Variants in NINJ2 observed in about 807,000 individuals in gnomAD.
NINJ2 encodes the protein ninjurin-2.
A neutral mutation model predicts 11.7 loss-of-function variants in NINJ2; 12 were observed. That is an observed-to-expected ratio of 1.02 (90% CI 0.66 to 1.66). The LOEUF is 1.66. Among genes scored for constraint, NINJ2 ranks in the 40% most tolerant of loss-of-function variants. NINJ2 has a pLI of 0.00. For missense variants in NINJ2, 187 were observed against 181.8 expected (o/e 1.03, Z -0.16); for synonymous variants, 93 against 76.8 (o/e 1.21, Z -1.10).
Position 649,107 on chromosome 12 carries a change from C to T in NINJ2, c.33+14221G>A, listed in dbSNP as rs1412995970. On this transcript the variant is annotated intron_variant, in intron 1 of 3. Coordinates refer to ENST00000305108, the MANE Select transcript of NINJ2 (RefSeq NM_016533.6). ...TGTCGCCCAGGCTGGACTGCAGTGG[C>T]GCGATCTCGGCTCACTGCAACCTCC... 4.0e-5 allele frequency among the ~76,000 whole-genome samples: 6 copies of T among 151,134 alleles called. No individual in the cohort carries two copies. The East Asian group carries it at 5.8e-4, about 15-fold the overall frequency.
chr12:602,770 T>C (rs1293297594), intron 1 of NINJ2, among the ~76,000 whole-genome samples: 1 of 152,224 alleles, frequency 6.6e-6, no homozygotes, highest in Non-Finnish European at 1.5e-5. Flanking sequence ...TACTTGCTAT[T>C]ACCTGCTTTT....
At chr12:620,890 A>T (rs1299917447) in intron 1 of NINJ2, among the ~76,000 whole-genome samples, 1 of 152,164 alleles carries the variant, frequency 6.6e-6, no homozygotes. Flanking sequence ...TCGGCCTCCC[A>T]GAGTGCTGGG....
chr12:620,928 C>A (rs1193843974), intron 1 of NINJ2, among the ~76,000 whole-genome samples: 1 of 152,164 alleles, frequency 6.6e-6, no homozygotes, highest in Non-Finnish European at 1.5e-5. Flanking sequence ...CTGCTCCCAG[C>A]TAAGGTTTTG....
In NINJ2 at chr12:643,818, G is replaced by A. The variant is rs747487029; in HGVS notation, c.33+19510C>T. On this transcript the variant is annotated intron_variant, in intron 1 of 3. Coordinates refer to ENST00000305108, the MANE Select transcript of NINJ2 (RefSeq NM_016533.6). ...TTGCCACTTTTGGGGGGAATCTTGA[G>A]CTACCAGCTCATCGCTCAGGTCTTA... 2.1e-5 allele frequency: 7 copies of A among 327,334 alleles called. No individual in the cohort carries two copies. In the South Asian group the frequency reaches 4.8e-4, roughly 22 times the overall value. 20.3% of individuals were successfully genotyped at this position (327,334 alleles called of 1,614,324 possible). A position where few individuals can be genotyped will look rare whatever the true frequency, so the allele number is the denominator to read the frequency against.
At chr12:635,100 C>A (rs1565643624) in intron 1 of NINJ2, among the ~76,000 whole-genome samples, 1 of 150,328 alleles carries the variant, frequency 6.7e-6, no homozygotes, top group African/African-American at 2.5e-5. Flanking sequence ...GTTGCCTAGG[C>A]TGGAGTGCAA....
intron 1 of NINJ2, among the ~76,000 whole-genome samples, chr12:657,704 T>A (rs115905301): frequency 1.1e-3 from 160 of 152,258 alleles, no homozygotes; most frequent in African/African-American, 3.7e-3. Context: ...ATTCTCCACA[T>A]CTTATGTCAC....
rs138304495 is a variant in NINJ2, at chr12:596,217, G to A, written c.34-30039C>T. ...CAAAAATCTGCACATGGATGTTTAC[G>A]GAAGCTTTATATATAACTGCCAAAA... is the stretch of plus-strand genomic sequence containing the variant. On this transcript the variant is annotated intron_variant, in intron 1 of 3. Coordinates refer to ENST00000305108, the MANE Select transcript of NINJ2 (RefSeq NM_016533.6). 3.4e-3 allele frequency among the ~76,000 whole-genome samples: 523 copies of A among 152,286 alleles called. 16 individuals are homozygous for A. The highest frequency in any genetic ancestry group is 0.032 in the East Asian group (168 of 5,188).
chr12:642,900 C>T (rs1948439795), intron 1 of NINJ2: 1 of 148,596 alleles, frequency 6.7e-6, no homozygotes, highest in African/African-American at 2.5e-5. Context: ...GACCTGGCTT[C>T]CGCGGGCCCT....
Position 591,079 on chromosome 12 carries a change from C to G in NINJ2, c.34-24901G>C, listed in dbSNP as rs1218993158. Reference sequence around the variant, plus strand: ...AATCCAGGACACTAGCACTCACTATCAAGGTTATAGGGAGGTGGCAGAGAA... The same window carrying G: ...AATCCAGGACACTAGCACTCACTATGAAGGTTATAGGGAGGTGGCAGAGAA... On this transcript the variant is annotated intron_variant, in intron 1 of 3. Coordinates refer to ENST00000305108, the MANE Select transcript of NINJ2 (RefSeq NM_016533.6). This position sits in a 1 kb window ranked among gnomAD's most constrained non-coding sequence, Gnocchi z 5.0. 6.6e-6 allele frequency: 1 copy of G among 152,204 alleles called. No homozygotes were observed. The highest frequency in any genetic ancestry group is 2.4e-5 in the African/African-American group (1 of 41,440). The allele number at this position is 152,204 out of a possible 1,614,324, so 9.4% of individuals were successfully genotyped here.
At chr12:594,302 A>G (rs1947755179) in intron 1 of NINJ2, among the ~76,000 whole-genome samples, 1 of 152,262 alleles carries the variant, frequency 6.6e-6, no homozygotes, top group African/African-American at 2.4e-5. Context: ...CCTATAGATC[A>G]TCAATGAATA....
At chr12:656,898 G>A (rs893957021) in intron 1 of NINJ2, among the ~76,000 whole-genome samples, 2 of 152,180 alleles carry the variant, frequency 1.3e-5, no homozygotes, top group African/African-American at 4.8e-5. Context: ...ATACGATGTA[G>A]CAGAGATAGT....
chr12:600,584 A>T (rs868406305), intron 1 of NINJ2, among the ~76,000 whole-genome samples: 2 of 152,146 alleles, frequency 1.3e-5, no homozygotes, highest in African/African-American at 2.4e-5. Context: ...AAATTAAATT[A>T]AAAAGGGTGG....
At chr12:568,687 A>C (rs1023611137) in intron 1 of NINJ2, among the ~76,000 whole-genome samples, 2 of 152,222 alleles carry the variant, frequency 1.3e-5, no homozygotes, top group African/African-American at 4.8e-5. Flanking sequence ...TGGGTTGTTC[A>C]TTATTGAGAT....
chr12:654,293 G>A (rs1166060934), intron 1 of NINJ2, among the ~76,000 whole-genome samples: 1 of 152,128 alleles, frequency 6.6e-6, no homozygotes, highest in Admixed American at 6.6e-5. Flanking sequence ...GGAGGCCGAG[G>A]TGGGCAGATC....
chr12:593,837 G>A (rs914397421), intron 1 of NINJ2, among the ~76,000 whole-genome samples: 1 of 152,122 alleles, frequency 6.6e-6, no homozygotes, highest in Non-Finnish European at 1.5e-5. Context: ...AGCAGCAACA[G>A]CAGCAGCATC....
intron 1 of NINJ2, among the ~76,000 whole-genome samples, chr12:651,919 A>G (rs781432580): frequency 3.9e-5 from 6 of 152,252 alleles, no homozygotes; most frequent in Non-Finnish European, 8.8e-5. Flanking sequence ...ACAAAGGCTG[A>G]GAAAAATAGA....
At chr12:616,227 GA>G (rs1479975368) in intron 1 of NINJ2, among the ~76,000 whole-genome samples, 6 of 152,222 alleles carry the variant, frequency 3.9e-5, no homozygotes, top group African/African-American at 1.4e-4. Flanking sequence ...TCCAAGAACA[GA>G]GGCTGGAGGA....
At chr12:579,718 C>T (rs187836167) in intron 1 of NINJ2, among the ~76,000 whole-genome samples, 1 of 152,182 alleles carries the variant, frequency 6.6e-6, no homozygotes, top group African/African-American at 2.4e-5. Flanking sequence ...AGCCTCACTG[C>T]CTACCCAACC....
chr12:609,677 A>C (rs1442989264), intron 1 of NINJ2, among the ~76,000 whole-genome samples: 1 of 151,218 alleles, frequency 6.6e-6, no homozygotes, highest in Non-Finnish European at 1.5e-5. Context: ...AGGGTGAGGC[A>C]GGAGAATGGC....
Sources: allele counts gnomAD v4.1 joint callset (sites outside exome capture counted in the v4.1 genomes callset), GRCh38; gene constraint gnomAD v4.1.1; non-coding constraint Gnocchi (gnomAD v3.1); transcripts MANE v1.5; gene names NCBI Gene and HGNC (gene_info 2026-07-23, HGNC 2026-07-21).